The following RNH1 variants were observed in gnomAD, a reference collection of about 807,000 sequenced individuals.
RNH1 encodes ribonuclease/angiogenin inhibitor 1, also known as ribonuclease inhibitor.
A neutral mutation model predicts 46.1 loss-of-function variants in RNH1; 38 were observed. The observed-to-expected ratio is 0.82, with a 90% CI of 0.64 to 1.08. RNH1 has a LOEUF of 1.08. RNH1 is among the 50% of genes least tolerant of loss of function. RNH1 has a pLI of 0.00. For synonymous variants in RNH1, 319 were observed against 279.1 expected, an observed-to-expected ratio of 1.14 and a Z score of -1.43; for missense variants, 577 against 590.7, an observed-to-expected ratio of 0.98 and a Z score of 0.24.
At chr11:499,397 G>A in intron 5 of RNH1, 1 of 672,306 alleles carries the variant, frequency 1.5e-6, no homozygotes, top group East Asian at 2.7e-5. Context: ...CCCCCTCCCG[G>A]ACCTCAGACT....
chr11:506,846 G>T (rs1850316860), intron 1 of RNH1: 1 of 152,296 alleles, frequency 6.6e-6, no homozygotes, highest in Non-Finnish European at 1.5e-5. Flanking sequence ...AGGACTTCCG[G>T]CAAGCCCCAA....
In RNH1 at chr11:494,537, T is replaced by TTA; in HGVS notation, c.*152_*153dup. The TTA allele has an allele frequency of 1.4e-6, 1 of 719,680 alleles. No individual in the cohort carries two copies. Among genetic ancestry groups the TTA allele is most frequent in the Non-Finnish European group, 2.4e-6 (1 of 418,032 alleles). 44.6% of individuals were successfully genotyped at this position (719,680 alleles called of 1,614,324 possible). On this transcript the variant is annotated 3_prime_UTR_variant, in exon 11 of 11. Transcript: ENST00000354420. ...TCCTGCCAAGAAAGTGCTTTAATGA[T>TTA]TATAAAGTGTCCAAAATATACTGGC...
At position 498,853 on chromosome 11, in the gene RNH1, A is replaced by T. The variant is rs757242949; in HGVS notation, c.695T>A (p.Leu232Gln). ...ACCCAGCTTGTTGCTGCCCAGGGCCAGCTCCCGCAGCGAGGCCTTGGAGGC... is the reference window on the plus strand; with the variant it reads ...ACCCAGCTTGTTGCTGCCCAGGGCCTGCTCCCGCAGCGAGGCCTTGGAGGC... ...IVASKASLRE[L>Q]ALGSNKLGDV... Residue 232 changes from leucine (L) to glutamine (Q), a missense_variant, in exon 7 of 11, where the codon CTG becomes CAG. Coordinates refer to ENST00000354420, the MANE Select transcript of RNH1 (RefSeq NM_203387.3). 1 of 1,611,722 alleles carries T rather than the reference A, an allele frequency of 6.2e-7. No homozygotes were observed. The highest frequency in any genetic ancestry group is 1.7e-5 in the Admixed American group (1 of 59,930).
intron 8 of RNH1, 34 bp from the exon 9 acceptor site, chr11:498,175 G>A: frequency 3.2e-6 from 5 of 1,579,740 alleles, no homozygotes; most frequent in Admixed American, 1.8e-5. Context: ...GCCTGGCAGG[G>A]GCCCAGGCTG....
intron 2 of RNH1, chr11:504,323 C>T (rs1850046166): frequency 6.6e-6 from 1 of 152,364 alleles, no homozygotes; most frequent in African/African-American, 2.4e-5. Context: ...TTCTGGACAC[C>T]CTGCTGCAGA....
rs765751751 is a variant in RNH1, at chr11:495,040, C to T, written c.1141G>A (p.Asp381Asn). Residue 381 changes from aspartate (D) to asparagine (N), a missense_variant, in exon 10 of 11, where the codon GAT becomes AAT. Coordinates refer to ENST00000354420, the MANE Select transcript of RNH1 (RefSeq NM_203387.3). ...CTGCTGCAGCTGCTGTCACTCACAT[C>T]GCAGTCGGCCAACCTGGGTGAAGCA... ...VLRVLWLADC[D>N]VSDSSCSSLA... is the part of the protein sequence containing the mutation. 29 of 1,604,576 alleles carry T rather than the reference C, an allele frequency of 1.8e-5. No individual in the cohort carries two copies. Among genetic ancestry groups the T allele is most frequent in the South Asian group, 1.1e-4 (10 of 89,716 alleles).
intron 4 of RNH1, 152 bp downstream of exon 4, chr11:500,332 G>A (rs1474806726): frequency 5.3e-6 from 5 of 945,488 alleles, no homozygotes; most frequent in African/African-American, 1.6e-5. Context: ...GAGACCGCCA[G>A]GCCTGTGTGC....
At position 507,172 on chromosome 11, in the gene RNH1, G is replaced by A. The variant is rs1332529997; in HGVS notation, c.-320C>T. ...GACCCAGAGCGAGACGGCCTACTTC[G>A]TTCTCGAGCCAGCAGAACGGGTTGA... On this transcript the variant is annotated 5_prime_UTR_variant, in exon 1 of 11. The change creates a new upstream start codon in the 5' untranslated region. Transcript: ENST00000354420. 1 of 152,210 alleles carries A rather than the reference G, an allele frequency of 6.6e-6. No individual in the cohort carries two copies. Among genetic ancestry groups the A allele is most frequent in the Non-Finnish European group, 1.5e-5 (1 of 68,050 alleles). 9.4% of individuals were successfully genotyped at this position (152,210 alleles called of 1,614,324 possible). A position where few individuals can be genotyped will look rare whatever the true frequency, so the allele number is the denominator to read the frequency against.
chr11:503,224 G>A (rs1823905582), intron 2 of RNH1: 1 of 152,310 alleles, frequency 6.6e-6, no homozygotes. Flanking sequence ...AAGTTGGCAG[G>A]ATCCACTTGG....
chr11:494,604 A>G lies in RNH1; in HGVS notation c.*87T>C, dbSNP rs1299189521. On this transcript the variant is annotated 3_prime_UTR_variant, in exon 11 of 11. Coordinates refer to ENST00000354420, the MANE Select transcript of RNH1 (RefSeq NM_203387.3). ...GAGCGTTTCTCTTCAAACCTAGGAT[A>G]TGCAGGGTGAGAGCATGGCAGGGGC... 2 of 1,114,734 alleles carry G rather than the reference A, an allele frequency of 1.8e-6. No individual in the cohort carries two copies. The highest frequency in any genetic ancestry group is 2.7e-6 in the Non-Finnish European group (2 of 741,296). The allele number at this position is 1,114,734 out of a possible 1,614,324, so 69.1% of individuals were successfully genotyped here.
In RNH1 at chr11:500,779, G is replaced by A. The variant is rs765715725; in HGVS notation, c.102-125C>T. On this transcript the variant is annotated intron_variant, in intron 3 of 10. Transcript: ENST00000354420. ...GAAGACAGCAAGGCAAGTCACACAA[G>A]ACATTTCAGAAATGAAACAAAAAGG... The A allele has an allele frequency of 2.3e-5, 24 of 1,023,422 alleles. No individual in the cohort carries two copies. The South Asian group carries it at 2.7e-4, about 11-fold the overall frequency. 63.4% of individuals were successfully genotyped at this position (1,023,422 alleles called of 1,614,324 possible).
intron 9 of RNH1, 50 bp from the exon 10 acceptor site, chr11:495,103 A>G (rs11246165): frequency 0.36 from 552,816 of 1,557,068 alleles, 101,830 homozygotes; most frequent in African/African-American, 0.58. Context: ...CTGGCACCGC[A>G]CTGACCGGCA....
At chr11:496,664 C>T (rs562862082) in intron 9 of RNH1, among the ~76,000 whole-genome samples, 1 of 152,138 alleles carries the variant, frequency 6.6e-6, no homozygotes, top group African/African-American at 2.4e-5. Context: ...GCAAGACTCT[C>T]TCAAAAAAAC....
At chr11:499,516 T>A (rs905200772) in intron 5 of RNH1, 5 of 695,132 alleles carry the variant, frequency 7.2e-6, no homozygotes, top group Admixed American at 2.0e-5. Flanking sequence ...CCACACACAC[T>A]GAGGCGGTGA....
chr11:495,304 G>A (rs1237381533), intron 9 of RNH1, among the ~76,000 whole-genome samples: 2 of 152,164 alleles, frequency 1.3e-5, no homozygotes, highest in Non-Finnish European at 2.9e-5. Context: ...GAGGAGAAAG[G>A]ACAGGAGAGA....
rs766891383 is a variant in RNH1, at chr11:500,667, C to A, written c.102-13G>T. The A allele has an allele frequency of 1.2e-6, 2 of 1,602,368 alleles. No individual in the cohort carries two copies. The highest frequency in any genetic ancestry group is 3.3e-5 in the Admixed American group (2 of 60,000). The stretch of plus-strand genomic sequence containing the variant: ...ACAGTCGTCCAGCCTGTGAGCAGAC[C>A]CCAGGGTCATGTGGACCACGCAGAC... On this transcript the variant is annotated splice_polypyrimidine_tract_variant and intron_variant, in intron 3 of 10. Transcript: ENST00000354420.
chr11:499,657 G>A, intron 5 of RNH1, 172 bp downstream of exon 5: 1 of 785,158 alleles, frequency 1.3e-6, no homozygotes, highest in South Asian at 1.5e-5. Context: ...CATGGGGAGA[G>A]GAGAGCACCA....
intron 3 of RNH1, 123 bp from the exon 4 acceptor site, chr11:500,777 A>G (rs1042658053): frequency 2.9e-6 from 3 of 1,031,552 alleles, no homozygotes; most frequent in African/African-American, 1.6e-5. Context: ...CAAGTCACAC[A>G]AGACATTTCA....
intron 5 of RNH1, chr11:499,406 C>CT (rs1326162097): frequency 1.5e-6 from 1 of 671,782 alleles, no homozygotes; most frequent in Non-Finnish European, 2.7e-6. Context: ...GGACCTCAGA[C>CT]TTTGGGGCCC....
Sources: allele counts gnomAD v4.1 joint callset (sites outside exome capture counted in the v4.1 genomes callset), GRCh38; gene constraint gnomAD v4.1.1; transcripts MANE v1.5; gene names NCBI Gene and HGNC (gene_info 2026-07-23, HGNC 2026-07-21).